GALK2: variants seen among roughly 807,000 people sequenced by gnomAD.
GALK2 encodes the protein galactokinase 2.
GALK2 carries 36 observed loss-of-function variants against 52.4 expected under a neutral mutation model. The ratio of observed to expected loss-of-function variants is 0.69; its 90% CI spans 0.53 to 0.91. GALK2 has a LOEUF of 0.91. Among genes scored for constraint, GALK2 ranks in the 40% least tolerant of loss-of-function variants. The probability of loss-of-function intolerance (pLI) is 0.00; values close to 1 mark genes in which losing one functional copy is unlikely to be tolerated. For synonymous variants in GALK2, 176 were observed against 199.1 expected (o/e 0.88, Z 0.98); for missense variants, 579 against 559.1 (o/e 1.04, Z -0.36).
At chr15:49,353,939 T>C (rs80032632) in intron 3 of GALK2, 4 of 152,316 alleles carry the variant, frequency 2.6e-5, no homozygotes, top group African/African-American at 4.8e-5. Flanking sequence ...GTTATTCACA[T>C]ATTGGTTAAT....
intron 1 of GALK2, among the ~76,000 whole-genome samples, chr15:49,171,143 C>A (rs570357910): frequency 2.8e-5 from 4 of 142,774 alleles, no homozygotes; most frequent in African/African-American, 1.0e-4. Flanking sequence ...AGTGCAGTGG[C>A]GCCATCTTGG....
intron 1 of GALK2, among the ~76,000 whole-genome samples, chr15:49,164,871 G>C (rs1403650106): frequency 1.3e-5 from 2 of 151,282 alleles, no homozygotes; most frequent in Admixed American, 6.6e-5. Flanking sequence ...GTTTGGTCAG[G>C]CTAATGTACA....
intron 2 of GALK2, among the ~76,000 whole-genome samples, chr15:49,210,707 T>G (rs540192255): frequency 6.6e-6 from 1 of 152,038 alleles, no homozygotes; most frequent in Non-Finnish European, 1.5e-5. Context: ...TCCCAGAGTG[T>G]TAGGATTACA....
At chr15:49,197,231 G>A (rs548286375) in intron 1 of GALK2, among the ~76,000 whole-genome samples, 50 of 152,216 alleles carry the variant, frequency 3.3e-4, no homozygotes, top group Admixed American at 1.6e-3. Flanking sequence ...TTGATATTTA[G>A]TCTTTCGGAA....
At chr15:49,245,991 A>C (rs2091330772) in intron 5 of GALK2, among the ~76,000 whole-genome samples, 1 of 152,202 alleles carries the variant, frequency 6.6e-6, no homozygotes, top group South Asian at 2.1e-4. Context: ...TATTTTGTTA[A>C]CAATGTTGTG....
intron 5 of GALK2, among the ~76,000 whole-genome samples, chr15:49,258,866 T>C (rs1039812899): frequency 1.6e-4 from 22 of 141,586 alleles, no homozygotes; most frequent in African/African-American, 5.2e-4. Context: ...TGGTATCTCA[T>C]TGTGGTTTTG....
chr15:49,221,251 G>T (rs35274049), intron 3 of GALK2, among the ~76,000 whole-genome samples: 1 of 152,036 alleles, frequency 6.6e-6, no homozygotes, highest in African/African-American at 2.4e-5. Flanking sequence ...ATTGAATTTT[G>T]TATATGGTGA....
At position 49,223,889 on chromosome 15, in the gene GALK2, T is replaced by C. The variant is rs142095884; in HGVS notation, c.266+6576T>C. ...CTTTTTTTTTTTAGAATAATTTATT[T>C]TCCTATGGGTATATACCCAGTAATG... On this transcript the variant is annotated intron_variant, in intron 3 of 9. Transcript: ENST00000560031. Among the ~76,000 whole-genome samples, 974 of 152,228 alleles carry C rather than the reference T, an allele frequency of 6.4e-3. 14 individuals carry two copies. Among genetic ancestry groups the C allele is most frequent in the African/African-American group, 0.022 (918 of 41,514 alleles).
At chr15:49,243,712 A>C (rs1449081953) in intron 5 of GALK2, among the ~76,000 whole-genome samples, 1 of 152,180 alleles carries the variant, frequency 6.6e-6, no homozygotes, top group Non-Finnish European at 1.5e-5. Flanking sequence ...GTCCTCAGAG[A>C]GATAAAAGAA....
intron 1 of GALK2, among the ~76,000 whole-genome samples, chr15:49,176,235 G>C (rs1177887385): frequency 6.6e-6 from 1 of 152,220 alleles, no homozygotes. Context: ...TGCTTCCCCT[G>C]TTATCTTGAT....
chr15:49,336,126 G>A (rs1172128801), downstream of GALK2, among the ~76,000 whole-genome samples: 1 of 152,198 alleles, frequency 6.6e-6, no homozygotes. Context: ...TACATATACT[G>A]AGAACCTTAA....
intron 8 of GALK2, among the ~76,000 whole-genome samples, chr15:49,295,315 C>T (rs1362219671): frequency 6.9e-6 from 1 of 145,732 alleles, no homozygotes; most frequent in Non-Finnish European, 1.5e-5. Flanking sequence ...TCATTTCTCT[C>T]TCTCTCTCTC....
intron 2 of GALK2, among the ~76,000 whole-genome samples, chr15:49,209,112 G>C (rs938651340): frequency 6.6e-6 from 1 of 152,026 alleles, no homozygotes; most frequent in Non-Finnish European, 1.5e-5. Context: ...TCCTTTTTGC[G>C]GTTCTCTATC....
At chr15:49,266,723 G>T (rs1178508728) in intron 5 of GALK2, among the ~76,000 whole-genome samples, 1 of 152,206 alleles carries the variant, frequency 6.6e-6, no homozygotes, top group African/African-American at 2.4e-5. Flanking sequence ...CTGGATCTAT[G>T]AATGGTGATA....
intron 8 of GALK2, among the ~76,000 whole-genome samples, chr15:49,299,735 T>TTTCTTTCTTTCTTTCTTTCTTTCTTTC (rs1347140534): frequency 7.7e-5 from 6 of 77,526 alleles, no homozygotes; most frequent in Admixed American, 1.2e-4. Context: ...TCTTTCTTTC[T>TTTCTTTCTTTCTTTCTTTCTTTCTTTC]TTTCTTTCTT....
At chr15:49,230,801 A>C (rs1210681588) in intron 3 of GALK2, among the ~76,000 whole-genome samples, 3 of 152,212 alleles carry the variant, frequency 2.0e-5, no homozygotes, top group Non-Finnish European at 4.4e-5. Context: ...ATAATGGGTC[A>C]TGTCTGCTCA....
chr15:49,340,923 TTTGAG>T (rs2040624962), intron 3 of GALK2, among the ~76,000 whole-genome samples: 1 of 152,160 alleles, frequency 6.6e-6, no homozygotes. Flanking sequence ...TTTAATCCAT[TTTGAG>T]TTAATTTTTG....
chr15:49,306,178 A>G (rs565806334), intron 8 of GALK2, among the ~76,000 whole-genome samples: 262 of 150,650 alleles, frequency 1.7e-3, no homozygotes, highest in Non-Finnish European at 3.0e-3. Flanking sequence ...TCCAGTACCT[A>G]CCTTCCAAAA....
chr15:49,321,324 A>C lies in GALK2; in HGVS notation c.1169+1519A>C, dbSNP rs545989115. 2.4e-4 allele frequency among the ~76,000 whole-genome samples: 36 copies of C among 151,932 alleles called. No individual in the cohort carries two copies. The Middle Eastern group carries it at 0.024, about 100-fold the overall frequency. On this transcript the variant is annotated intron_variant, in intron 9 of 9. Coordinates refer to ENST00000560031, the MANE Select transcript of GALK2 (RefSeq NM_002044.4). The stretch of plus-strand genomic sequence containing the variant: ...TGGCAGAGGGCCAGGAAGGAAGGAG[A>C]GGTAGTAGATGAAGTAAGGAAGGAA...
Sources: gnomAD v4.1 joint callset for allele counts (sites outside exome capture counted in the v4.1 genomes callset) on GRCh38, gnomAD v4.1.1 for gene constraint, MANE v1.5 for transcripts, NCBI Gene and HGNC (gene_info 2026-07-23, HGNC 2026-07-21) for gene names.